HERPUD2: variants seen among roughly 807,000 people sequenced by gnomAD.
The protein encoded by HERPUD2 is HERPUD family member 2.
A neutral mutation model predicts 49.9 loss-of-function variants in HERPUD2; 13 were observed. The observed-to-expected ratio is 0.26, with a 90% CI of 0.17 to 0.41. The LOEUF is 0.41. HERPUD2 is among the 10% of genes least tolerant of loss of function. HERPUD2 has a pLI of 1.00. For synonymous variants in HERPUD2, 172 were observed against 171.4 expected, an observed-to-expected ratio of 1.00 and a Z score of -0.03; for missense variants, 449 against 492.2, an observed-to-expected ratio of 0.91 and a Z score of 0.83.
intron 3 of HERPUD2, among the ~76,000 whole-genome samples, chr7:35,670,652 C>A (rs1481252666): frequency 6.6e-6 from 1 of 152,118 alleles, no homozygotes; most frequent in Non-Finnish European, 1.5e-5. Context: ...ATGAAAACAT[C>A]TAGCACCTTA....
chr7:35,686,738 AAAAAAAAC>A (rs1293082364), intron 2 of HERPUD2, among the ~76,000 whole-genome samples: 1 of 112,256 alleles, frequency 8.9e-6, no homozygotes, highest in Non-Finnish European at 1.7e-5. Context: ...AAAAAAAAAA[AAAAAAAAC>A]CAAACCCATT....
intron 2 of HERPUD2, among the ~76,000 whole-genome samples, chr7:35,673,972 G>A (rs566696402): frequency 3.0e-4 from 45 of 152,156 alleles, no homozygotes; most frequent in South Asian, 1.9e-3. Flanking sequence ...AAATTAAAGC[G>A]TCTGTATATA....
At chr7:35,657,917 G>A (rs574256173) in intron 5 of HERPUD2, among the ~76,000 whole-genome samples, 12 of 148,952 alleles carry the variant, frequency 8.1e-5, no homozygotes, top group African/African-American at 2.7e-4. Context: ...GCGAGACTCT[G>A]TCTCAAAAAA....
chr7:35,642,275 G>C (rs1784978118), intron 5 of HERPUD2, among the ~76,000 whole-genome samples: 1 of 152,084 alleles, frequency 6.6e-6, no homozygotes, highest in South Asian at 2.1e-4. Context: ...TATCACACCA[G>C]TCAGAATAGC....
At chr7:35,652,865 ATAAT>A (rs1785196340) in intron 5 of HERPUD2, among the ~76,000 whole-genome samples, 1 of 152,118 alleles carries the variant, frequency 6.6e-6, no homozygotes, top group African/African-American at 2.4e-5. Flanking sequence ...CCTCCAAGAA[ATAAT>A]TAAGGGAGCC....
chr7:35,634,496 G>C, intron 7 of HERPUD2, 67 bp from the exon 8 acceptor site: 1 of 896,790 alleles, frequency 1.1e-6, no homozygotes, highest in Non-Finnish European at 1.8e-6. Context: ...ACTATAAAAT[G>C]TTATTAGTGT....
intron 2 of HERPUD2, among the ~76,000 whole-genome samples, chr7:35,684,661 G>C (rs577698718): frequency 1.3e-5 from 2 of 152,126 alleles, no homozygotes; most frequent in African/African-American, 2.4e-5. Flanking sequence ...ACCAAACATT[G>C]TATGTTCTCA....
At position 35,633,866 on chromosome 7, in the gene HERPUD2, A is replaced by G. The variant is rs1427827153; in HGVS notation, c.1060-15T>C. ...ATAAGACGCTCCTTTCAAGCAAAAC[A>G]AGAAAGATACTCCTGAGTGATATGA... On this transcript the variant is annotated splice_polypyrimidine_tract_variant and intron_variant, in intron 8 of 8. Transcript: ENST00000311350. The G allele has an allele frequency of 1.2e-6, 2 of 1,610,638 alleles. No individual in the cohort carries two copies. The highest frequency in any genetic ancestry group is 1.7e-6 in the Non-Finnish European group (2 of 1,178,478).
intron 6 of HERPUD2, 141 bp downstream of exon 6, chr7:35,638,209 G>C: frequency 1.5e-6 from 1 of 656,772 alleles, no homozygotes; most frequent in Non-Finnish European, 2.3e-6. Flanking sequence ...ATGTGAACTG[G>C]AGGTGAACCC....
intron 5 of HERPUD2, among the ~76,000 whole-genome samples, chr7:35,655,592 TA>T (rs1201539377): frequency 2.6e-5 from 4 of 152,084 alleles, no homozygotes; most frequent in African/African-American, 9.6e-5. Flanking sequence ...TCATACTGAG[TA>T]AGTAAATCTG....
rs1784853836 is a variant in HERPUD2 at position 35,635,325 on chromosome 7, G to C, written c.751C>G (p.Arg251Gly). ...PAPNLVAQEN[R>G]PMNENVQMNA... Reference sequence around the variant, plus strand: ...ATTTGAACATTCTCATTCATGGGTCGATTTTCTTGGGCCACTAGGTTTGGA... The same window carrying C: ...ATTTGAACATTCTCATTCATGGGTCCATTTTCTTGGGCCACTAGGTTTGGA... Residue 251 changes from arginine (R) to glycine (G), a missense_variant, in exon 7 of 9, where the codon CGA (arginine) becomes GGA (glycine). Transcript: ENST00000311350. 2 of 1,614,118 alleles carry C rather than the reference G, an allele frequency of 1.2e-6. No homozygotes were observed. Among genetic ancestry groups the C allele is most frequent in the East Asian group, 2.2e-5 (1 of 44,880 alleles).
At chr7:35,686,718 C>CAAAA (rs1355835861) in intron 2 of HERPUD2, among the ~76,000 whole-genome samples, 131 of 3,794 alleles carry the variant, frequency 0.035, 32 homozygotes, top group Non-Finnish European at 0.047. Flanking sequence ...CACTCCGTCT[C>CAAAA]AAAAAAAAAA....
intron 5 of HERPUD2, among the ~76,000 whole-genome samples, chr7:35,651,282 G>A (rs1562672662): frequency 6.6e-6 from 1 of 152,074 alleles, no homozygotes; most frequent in Admixed American, 6.6e-5. Context: ...CCAAGAATTG[G>A]CCCACCTGGA....
chr7:35,676,014 CATA>C (rs1359122867), intron 2 of HERPUD2, among the ~76,000 whole-genome samples: 1 of 152,126 alleles, frequency 6.6e-6, no homozygotes, highest in Non-Finnish European at 1.5e-5. Context: ...TTATAATAAC[CATA>C]ATGTTACCAC....
At chr7:35,661,867 G>T (rs921700956) in intron 5 of HERPUD2, among the ~76,000 whole-genome samples, 2 of 152,036 alleles carry the variant, frequency 1.3e-5, no homozygotes, top group Non-Finnish European at 2.9e-5. Flanking sequence ...ACCCTTTATT[G>T]CTTTCTCTTG....
At position 35,634,370 on chromosome 7, in the gene HERPUD2, T is replaced by C. The variant is rs770275672; in HGVS notation, c.1001A>G (p.Asn334Ser). 2 of 1,614,086 alleles carry C rather than the reference T, an allele frequency of 1.2e-6. No homozygotes were observed. The highest frequency in any genetic ancestry group is 1.7e-6 in the Non-Finnish European group (2 of 1,179,946). ...CCCATCATTGTTAACTTCGGCATTA[T>C]TGTTGGGAGCCTGCTGATGACCTCC... ...QEGGHQQAPN[N>S]NAEVNNDGQN... The change falls in exon 8 of 9, where the codon AAT becomes AGT. Residue 334 changes from asparagine to serine, a missense_variant. By Grantham distance (46) the Asn-to-Ser change is conservative (BLOSUM62 1). Transcript: ENST00000311350.
At chr7:35,642,460 T>A (rs977798211) in intron 5 of HERPUD2, among the ~76,000 whole-genome samples, 1 of 152,194 alleles carries the variant, frequency 6.6e-6, no homozygotes, top group African/African-American at 2.4e-5. Flanking sequence ...CATTACTGGG[T>A]ATATACCCAA....
At position 35,676,111 on chromosome 7, in the gene HERPUD2, T is replaced by C. The variant is rs115292242; in HGVS notation, c.148-2833A>G. Among the ~76,000 whole-genome samples, 34 of 152,214 alleles carry C rather than the reference T, an allele frequency of 2.2e-4. 1 individual carries two copies. The highest frequency in any genetic ancestry group is 4.4e-4 in the Non-Finnish European group (30 of 68,040). ...CCCAAAAATGCTTTTTAAAGATGATTTGAATCAGAATCCAAATAAGGTTCA... is the reference window on the plus strand; with the variant it reads ...CCCAAAAATGCTTTTTAAAGATGATCTGAATCAGAATCCAAATAAGGTTCA... On this transcript the variant is annotated intron_variant, in intron 2 of 8. Coordinates refer to ENST00000311350, the MANE Select transcript of HERPUD2 (RefSeq NM_022373.5).
In HERPUD2 at chr7:35,635,423, A is replaced by T; in HGVS notation, c.653T>A (p.Val218Asp). ...TGAAGTAGTAGGCTGGGTTGGGTTG[A>T]CATTTGATGTGGCCTGAGCTGAAAC... ...AAVSAQATSN[V>D]NPTQPTTSQP... The change falls in exon 7 of 9, where the codon GTC becomes GAC. Residue 218 changes from valine (V) to aspartate (D), a missense_variant. Val to Asp is a radical substitution (Grantham distance 152). Coordinates refer to ENST00000311350, the MANE Select transcript of HERPUD2 (RefSeq NM_022373.5). The T allele has an allele frequency of 1.9e-6, 3 of 1,614,112 alleles. No individual in the cohort carries two copies. The highest frequency in any genetic ancestry group is 2.5e-6 in the Non-Finnish European group (3 of 1,180,008).
Sources: gnomAD v4.1 joint callset for allele counts (sites outside exome capture counted in the v4.1 genomes callset) on GRCh38, gnomAD v4.1.1 for gene constraint, MANE v1.5 for transcripts, NCBI Gene and HGNC (gene_info 2026-07-23, HGNC 2026-07-21) for gene names.